LRP2: variants seen among roughly 807,000 people sequenced by gnomAD.
LRP2 encodes the protein low-density lipoprotein receptor-related protein 2.
LRP2 carries 172 observed loss-of-function variants against 531.0 expected under a neutral mutation model. The ratio of observed to expected loss-of-function variants is 0.32; its 90% CI spans 0.29 to 0.37. The LOEUF (loss-of-function observed/expected upper bound fraction) is 0.37, where lower values mean the gene tolerates loss of function less well. Ranked by LOEUF, LRP2 falls within the 10% of genes least tolerant of loss-of-function variation. LRP2 has a pLI of 1.00. For missense variants in LRP2, 5,167 were observed against 5,868.3 expected (o/e 0.88, Z 3.90); for synonymous variants, 1,992 against 2,027.6 (o/e 0.98, Z 0.47).
intron 52 of LRP2, among the ~76,000 whole-genome samples, chr2:169,179,518 C>T (rs10191692): frequency 0.54 from 81,720 of 151,630 alleles, 22,586 homozygotes; most frequent in Admixed American, 0.64. Context: ...GTCGGGAGTT[C>T]GAGACCAGCC....
intron 16 of LRP2, among the ~76,000 whole-genome samples, chr2:169,260,328 G>A (rs992464278): frequency 5.9e-5 from 9 of 152,112 alleles, no homozygotes; most frequent in South Asian, 4.1e-4. Flanking sequence ...GAGGTCTGGG[G>A]TGGTTGACAG....
chr2:169,343,870 A>G (rs1685627788), intron 1 of LRP2, among the ~76,000 whole-genome samples: 1 of 152,218 alleles, frequency 6.6e-6, no homozygotes, highest in Non-Finnish European at 1.5e-5. Flanking sequence ...AATTTAATCT[A>G]TCCTTAATAC....
intron 34 of LRP2, among the ~76,000 whole-genome samples, chr2:169,217,397 T>A (rs1688839644): frequency 6.6e-6 from 1 of 152,106 alleles, no homozygotes; most frequent in African/African-American, 2.4e-5. Context: ...GACCAAAACC[T>A]CTCATTTCTT....
At position 169,212,096 on chromosome 2, in the gene LRP2, A is replaced by C; in HGVS notation, c.6152T>G (p.Leu2051Arg). ...AGAGCAGGACCGATTATCAGGATTG[A>C]GTTTAAATCCAGTGGCACAGGCGCA... ...FSCACATGFK[L>R]NPDNRSCSPY... The change falls in exon 37 of 79, where the codon CTC becomes CGC. Residue 2051 changes from leucine to arginine, a missense_variant. Around this residue, in one of 6 missense-constraint regions of LRP2, gnomAD observed 2,811 missense variants for 3,058.0 expected, o/e 0.92. Coordinates refer to ENST00000649046, the MANE Select transcript of LRP2 (RefSeq NM_004525.3). 1.2e-6 allele frequency: 2 copies of C among 1,614,076 alleles called. No homozygotes were observed. Among genetic ancestry groups the C allele is most frequent in the Non-Finnish European group, 1.7e-6 (2 of 1,179,960 alleles).
chr2:169,265,790 T>G (rs1690774818), intron 16 of LRP2, among the ~76,000 whole-genome samples: 1 of 151,862 alleles, frequency 6.6e-6, no homozygotes, highest in African/African-American at 2.4e-5. Context: ...GAAATAAATC[T>G]AGAAAAAGAA....
intron 70 of LRP2, among the ~76,000 whole-genome samples, 189 bp from the exon 71 acceptor site, chr2:169,142,982 G>C (rs1685777951): frequency 6.6e-6 from 1 of 152,182 alleles, no homozygotes; most frequent in Non-Finnish European, 1.5e-5. Flanking sequence ...CAGTGGGATA[G>C]TCCCTCTCTG....
At chr2:169,152,365 A>T (rs1243211661) in intron 67 of LRP2, among the ~76,000 whole-genome samples, 1 of 152,182 alleles carries the variant, frequency 6.6e-6, no homozygotes, top group Non-Finnish European at 1.5e-5. Context: ...ATAGAAAAAA[A>T]GTTTCATCTC....
At chr2:169,261,606 G>A (rs1422783673) in intron 16 of LRP2, among the ~76,000 whole-genome samples, 1 of 151,786 alleles carries the variant, frequency 6.6e-6, no homozygotes, top group Non-Finnish European at 1.5e-5. Flanking sequence ...ATTTTAAAAG[G>A]TAGGTTGCCA....
Position 169,206,564 on chromosome 2 carries a change from T to C in LRP2, c.7156A>G (p.Thr2386Ala), listed in dbSNP as rs1026677880. 9.9e-6 allele frequency: 16 copies of C among 1,614,102 alleles called. No homozygotes were observed. The highest frequency in any genetic ancestry group is 3.4e-6 in the Non-Finnish European group (4 of 1,180,050). The change falls in exon 39 of 79, where the codon ACA becomes GCA. Residue 2386 changes from threonine (T) to alanine (A), a missense_variant. By Grantham distance (58) the Thr-to-Ala change is moderately conservative. Around this residue, in one of 6 missense-constraint regions of LRP2, gnomAD observed 2,811 missense variants for 3,058.0 expected, o/e 0.92. Transcript: ENST00000649046. ...QSDGKNCAIS[T>A]ENFLIFALSN... Reference sequence around the variant, plus strand: ...AAGGCAAAGATGAGGAAATTTTCTGTTGAAATGGCACAATTCTTGCCATCA... The same window carrying C: ...AAGGCAAAGATGAGGAAATTTTCTGCTGAAATGGCACAATTCTTGCCATCA...
intron 16 of LRP2, among the ~76,000 whole-genome samples, chr2:169,267,248 G>T (rs563096733): frequency 6.6e-6 from 1 of 151,960 alleles, no homozygotes; most frequent in Non-Finnish European, 1.5e-5. Context: ...TATTTAGGAA[G>T]CTTAGTAAAA....
intron 6 of LRP2, among the ~76,000 whole-genome samples, 170 bp from the exon 7 acceptor site, chr2:169,292,539 G>T (rs925378039): frequency 6.6e-6 from 1 of 152,114 alleles, no homozygotes; most frequent in African/African-American, 2.4e-5. Flanking sequence ...AAAAGAGAGA[G>T]AAAGAAGAAG....
At chr2:169,246,052 G>A (rs189614116) in intron 21 of LRP2, among the ~76,000 whole-genome samples, 1 of 152,234 alleles carries the variant, frequency 6.6e-6, no homozygotes, top group Non-Finnish European at 1.5e-5. Context: ...CAAATTAGCT[G>A]GGTGTGGTGG....
At chr2:169,192,547 T>A (rs1048780888) in intron 47 of LRP2, among the ~76,000 whole-genome samples, 5 of 152,040 alleles carry the variant, frequency 3.3e-5, no homozygotes, top group African/African-American at 1.2e-4. Context: ...TCCTCCAAAT[T>A]TAGTGCTTTT....
chr2:169,158,548 C>T (rs1361659923), intron 63 of LRP2, among the ~76,000 whole-genome samples: 1 of 151,572 alleles, frequency 6.6e-6, no homozygotes, highest in East Asian at 1.9e-4. Flanking sequence ...TAAAAAAATA[C>T]ATCTTAGAAG....
intron 1 of LRP2, among the ~76,000 whole-genome samples, chr2:169,348,938 G>A (rs547073347): frequency 3.4e-4 from 52 of 152,234 alleles, no homozygotes; most frequent in Admixed American, 1.5e-3. Flanking sequence ...CAGGGGCCTC[G>A]AGGAATTAAG....
chr2:169,130,729 A>G (rs1685255128), intron 77 of LRP2, among the ~76,000 whole-genome samples: 2 of 152,210 alleles, frequency 1.3e-5, no homozygotes, highest in South Asian at 4.1e-4. Flanking sequence ...CTCAGTGCCC[A>G]GGAGGGAAGA....
At chr2:169,231,200 G>A (rs2105368075) in intron 31 of LRP2, among the ~76,000 whole-genome samples, 1 of 151,982 alleles carries the variant, frequency 6.6e-6, no homozygotes. Flanking sequence ...AGGCTGAGGT[G>A]GGAGAATCAC....
At chr2:169,186,205 T>C (rs1369813730) in intron 49 of LRP2, among the ~76,000 whole-genome samples, 186 bp from the exon 50 acceptor site, 3 of 152,148 alleles carry the variant, frequency 2.0e-5, no homozygotes, top group Non-Finnish European at 4.4e-5. Flanking sequence ...CTCACCAACT[T>C]ACTCCTTCAT....
At position 169,246,912 on chromosome 2, in the gene LRP2, G is replaced by A; in HGVS notation, c.2983C>T (p.Gln995Ter). 1 of 1,614,200 alleles carries A rather than the reference G, an allele frequency of 6.2e-7. No individual in the cohort carries two copies. Among genetic ancestry groups the A allele is most frequent in the Non-Finnish European group, 8.5e-7 (1 of 1,180,034 alleles). ...SHFCFPVPNF[Q>*]RVCGCPYGMR... is the part of the protein sequence containing the mutation. ...CCATAAGGGCACCCACACACTCGCT[G>A]GAAATTTGGCACCGGGAAGCAGAAG... Residue 995 changes from glutamine (Q) to a stop codon, truncating the protein, a stop_gained, in exon 21 of 79, where the codon CAG becomes TAG. Transcript: ENST00000649046. LOFTEE classifies it high-confidence loss of function.
Sources: gnomAD v4.1 joint callset for allele counts (sites outside exome capture counted in the v4.1 genomes callset) on GRCh38, gnomAD v4.1.1 for gene constraint, gnomAD v4.1.1 regional missense constraint, MANE v1.5 for transcripts, NCBI Gene and HGNC (gene_info 2026-07-23, HGNC 2026-07-21) for gene names.